Variants in PKP2 observed in about 807,000 individuals in gnomAD.
PKP2 encodes the protein plakophilin-2.
PKP2 carries 73 observed loss-of-function variants against 83.4 expected under a neutral mutation model. The ratio of observed to expected loss-of-function variants is 0.88; its 90% CI spans 0.72 to 1.06. PKP2 has a LOEUF of 1.06. Among genes scored for constraint, PKP2 ranks in the 50% least tolerant of loss-of-function variants. PKP2 has a pLI of 0.00. For missense variants in PKP2, 966 were observed against 1,065.4 expected (o/e 0.91, Z 1.30); for synonymous variants, 409 against 430.4 (o/e 0.95, Z 0.62).
intron 6 of PKP2, among the ~76,000 whole-genome samples, chr12:32,825,169 T>C (rs1392741534): frequency 2.1e-5 from 3 of 139,554 alleles, no homozygotes; most frequent in South Asian, 2.4e-4. Flanking sequence ...TTTCTTTTTT[T>C]TTTTTTTTTT....
chr12:32,828,445 T>C (rs1307089137), intron 6 of PKP2, among the ~76,000 whole-genome samples: 1 of 152,136 alleles, frequency 6.6e-6, no homozygotes, highest in African/African-American at 2.4e-5. Context: ...CAGTGACAAA[T>C]GGAAAAAAAC....
chr12:32,892,196 T>A (rs539333321), intron 1 of PKP2, among the ~76,000 whole-genome samples: 33 of 152,202 alleles, frequency 2.2e-4, no homozygotes, highest in African/African-American at 7.2e-4. Context: ...TTCCTTTTTG[T>A]CAAAGGAAGA....
intron 9 of PKP2, among the ~76,000 whole-genome samples, chr12:32,818,488 G>A (rs368523652): frequency 1.3e-5 from 2 of 152,088 alleles, no homozygotes; most frequent in Non-Finnish European, 1.5e-5. Context: ...AAAAAAACCC[G>A]AAACTTTATT....
rs182831606 is a variant in PKP2, at chr12:32,828,086, C to T, written c.1557-3924G>A. ...CCTCCACTGGTCCCAAATGGGAAGA[C>T]GCCAGTTTGACTTGTGGCCAGTGCT... On this transcript the variant is annotated intron_variant, in intron 6 of 12. Coordinates refer to ENST00000340811, the MANE Select transcript of PKP2 (RefSeq NM_001005242.3). Among the ~76,000 whole-genome samples, 130 of 152,328 alleles carry T rather than the reference C, an allele frequency of 8.5e-4. 1 individual carries two copies. Among genetic ancestry groups the T allele is most frequent in the African/African-American group, 2.7e-3 (114 of 41,576 alleles).
chr12:32,814,376 C>G (rs1241315551), intron 9 of PKP2, among the ~76,000 whole-genome samples: 1 of 152,150 alleles, frequency 6.6e-6, no homozygotes, highest in Non-Finnish European at 1.5e-5. Context: ...CCACTCACTT[C>G]CATGGTCACA....
At chr12:32,850,388 T>C (rs543318058) in intron 5 of PKP2, among the ~76,000 whole-genome samples, 2 of 152,046 alleles carry the variant, frequency 1.3e-5, no homozygotes, top group East Asian at 3.9e-4. Flanking sequence ...TAAACTTTAG[T>C]AGAAACATCG....
intron 4 of PKP2, among the ~76,000 whole-genome samples, chr12:32,852,396 T>C (rs1223009391): frequency 6.6e-6 from 1 of 152,102 alleles, no homozygotes; most frequent in East Asian, 1.9e-4. Context: ...CCCTCCAATA[T>C]TACATATTCC....
rs1956081645 is a variant in PKP2 at position 32,792,701 on chromosome 12, A to C, written c.2388T>G (p.Ala796=). The part of the protein sequence containing the change: ...AYASNKASKA[A]SVLLYSLWAH... ...CCCACAGAGAATACAGAAGGACGGAAGCAGCTTTACTTGCTTTGTTGGAGG... is the reference window on the plus strand; with the variant it reads ...CCCACAGAGAATACAGAAGGACGGACGCAGCTTTACTTGCTTTGTTGGAGG... The change falls in exon 12 of 13, where the codon GCT becomes GCG. Residue 796 remains alanine (A), a synonymous_variant. Coordinates refer to ENST00000340811, the MANE Select transcript of PKP2 (RefSeq NM_001005242.3). The C allele has an allele frequency of 1.2e-6, 2 of 1,614,104 alleles. No individual in the cohort carries two copies. Among genetic ancestry groups the C allele is most frequent in the Non-Finnish European group, 1.7e-6 (2 of 1,179,994 alleles).
intron 6 of PKP2, among the ~76,000 whole-genome samples, chr12:32,827,126 A>G (rs539665466): frequency 6.6e-6 from 1 of 152,334 alleles, no homozygotes; most frequent in South Asian, 2.1e-4. Flanking sequence ...TTGCAGATGG[A>G]TGACTTAGCT....
chr12:32,819,642 G>A (rs1201945865), intron 9 of PKP2, among the ~76,000 whole-genome samples: 2 of 152,174 alleles, frequency 1.3e-5, no homozygotes, highest in African/African-American at 4.8e-5. Flanking sequence ...TGTCTGTTAT[G>A]TAATATGCTC....
At chr12:32,816,465 C>T (rs1956320652) in intron 9 of PKP2, among the ~76,000 whole-genome samples, 1 of 152,176 alleles carries the variant, frequency 6.6e-6, no homozygotes, top group Admixed American at 6.5e-5. Context: ...ATATGTACCA[C>T]ATTTTCTTTA....
chr12:32,889,214 G>C (rs547020941), intron 1 of PKP2, among the ~76,000 whole-genome samples: 2 of 152,286 alleles, frequency 1.3e-5, no homozygotes, highest in African/African-American at 4.8e-5. Context: ...GTGTGTGTTT[G>C]GTGGGGAGCA....
intron 10 of PKP2, among the ~76,000 whole-genome samples, chr12:32,797,798 C>T (rs757888548): frequency 4.0e-5 from 6 of 151,894 alleles, no homozygotes; most frequent in Non-Finnish European, 7.4e-5. Flanking sequence ...TCTTGTGATC[C>T]GCCCGCCTGG....
intron 9 of PKP2, among the ~76,000 whole-genome samples, chr12:32,804,367 G>A (rs1382880743): frequency 6.6e-6 from 1 of 152,118 alleles, no homozygotes; most frequent in African/African-American, 2.4e-5. Flanking sequence ...ACAGGTTAAT[G>A]TGTACCATGG....
chr12:32,849,371 T>A (rs1280336478), intron 5 of PKP2, among the ~76,000 whole-genome samples: 1 of 152,084 alleles, frequency 6.6e-6, no homozygotes, highest in East Asian at 1.9e-4. Context: ...CACACACCAC[T>A]AACACACCTG....
chr12:32,813,198 CAA>C (rs1565578148), intron 9 of PKP2, among the ~76,000 whole-genome samples: 2 of 152,164 alleles, frequency 1.3e-5, no homozygotes, highest in East Asian at 1.9e-4. Flanking sequence ...AAAAACTAAG[CAA>C]AACAAAACCC....
chr12:32,800,561 G>A (rs1956169858), intron 10 of PKP2, among the ~76,000 whole-genome samples: 1 of 152,150 alleles, frequency 6.6e-6, no homozygotes, highest in African/African-American at 2.4e-5. Flanking sequence ...ACAGCTCTAT[G>A]GCCTGAGCAA....
At chr12:32,842,957 G>C (rs566711690) in intron 5 of PKP2, among the ~76,000 whole-genome samples, 2 of 150,836 alleles carry the variant, frequency 1.3e-5, no homozygotes, top group Non-Finnish European at 2.9e-5. Flanking sequence ...ACAGGCGTGA[G>C]CCACTGTGCC....
At chr12:32,803,771 C>T (rs948301869) in intron 9 of PKP2, among the ~76,000 whole-genome samples, 13 of 152,142 alleles carry the variant, frequency 8.5e-5, no homozygotes, top group East Asian at 5.8e-4. Context: ...ATGCACCTTA[C>T]GCTCATAGCC....
Sources: gnomAD v4.1 joint callset for allele counts (sites outside exome capture counted in the v4.1 genomes callset) on GRCh38, gnomAD v4.1.1 for gene constraint, MANE v1.5 for transcripts, NCBI Gene and HGNC (gene_info 2026-07-23, HGNC 2026-07-21) for gene names.